HMCN1: variants seen among roughly 807,000 people sequenced by gnomAD.
HMCN1 encodes the protein hemicentin 1, also known as hemicentin-1.
Under a neutral mutation model 625.9 loss-of-function variants are expected in HMCN1, and 321 were observed. The ratio of observed to expected loss-of-function variants is 0.51; its 90% confidence interval spans 0.47 to 0.56. HMCN1 has a LOEUF of 0.56. Ranked by LOEUF, HMCN1 falls within the 20% of genes least tolerant of loss-of-function variation. HMCN1 has a pLI of 0.00. For missense variants in HMCN1, 6,588 were observed against 6,887.3 expected, an observed-to-expected ratio of 0.96 and a Z score of 1.54; for synonymous variants, 2,425 against 2,417.6, an observed-to-expected ratio of 1.00 and a Z score of -0.09.
chr1:185,973,207 G>A (rs1650951777), intron 15 of HMCN1, among the ~76,000 whole-genome samples: 1 of 152,096 alleles, frequency 6.6e-6, no homozygotes, highest in Admixed American at 6.6e-5. Context: ...TGTTACTGCT[G>A]TTCCTCTAAA....
At position 186,137,806 on chromosome 1, in the gene HMCN1, T is replaced by C. The variant is rs1649704893; in HGVS notation, c.13758T>C (p.Asp4586=). The change falls in exon 89 of 107, where the codon GAT becomes GAC. Residue 4586 remains aspartate, a synonymous_variant. Transcript: ENST00000271588. ...TAATGGTTCACCTTTGTATAGTGGA[T>C]GGTAGCTGGTCGGAATGGAGTCTTT... ...RNCQNKPCPV[D]GSWSEWSLWE... is the part of the protein sequence containing the mutation. 1 of 1,614,096 alleles carries C rather than the reference T, an allele frequency of 6.2e-7. No individual in the cohort carries two copies.
intron 1 of HMCN1, among the ~76,000 whole-genome samples, chr1:185,753,051 T>C (rs992168996): frequency 6.6e-6 from 1 of 152,094 alleles, no homozygotes; most frequent in African/African-American, 2.4e-5. Flanking sequence ...ATAATTTTAC[T>C]AGTAGATAAA....
chr1:186,174,458 A>C, intron 102 of HMCN1, 56 bp from the exon 103 acceptor site: 1 of 1,603,434 alleles, frequency 6.2e-7, no homozygotes, highest in African/African-American at 1.3e-5. Context: ...CTTTAAATAC[A>C]ATGACTTTGG....
chr1:185,896,125 A>G (rs1428468671), intron 4 of HMCN1, among the ~76,000 whole-genome samples: 1 of 151,890 alleles, frequency 6.6e-6, no homozygotes, highest in East Asian at 1.9e-4. Flanking sequence ...TTTAGTAGAG[A>G]CAGGGTTTCA....
chr1:186,014,192 A>C (rs1654196981), intron 30 of HMCN1, among the ~76,000 whole-genome samples: 1 of 152,062 alleles, frequency 6.6e-6, no homozygotes, highest in African/African-American at 2.4e-5. Context: ...CTGCCTCTCA[A>C]AATCCATAAT....
At position 186,017,042 on chromosome 1, in the gene HMCN1, T is replaced by C. The variant is rs770252544; in HGVS notation, c.5271T>C (p.His1757=). The stretch of plus-strand genomic sequence containing the variant: ...ATAACTTACTGGAGCTAGATTGTCA[T>C]GTGACAGGCTCTCCCCCACCAACTA... ...MVNNLLELDC[H]VTGSPPPTIM... The change falls in exon 33 of 107, where the codon CAT becomes CAC. Residue 1757 remains histidine, a synonymous_variant. Transcript: ENST00000271588. 5 of 1,604,730 alleles carry C rather than the reference T, an allele frequency of 3.1e-6. No homozygotes were observed. Among genetic ancestry groups the C allele is most frequent in the Non-Finnish European group, 4.3e-6 (5 of 1,171,830 alleles).
chr1:185,981,775 A>T (rs1264691122), intron 17 of HMCN1, among the ~76,000 whole-genome samples: 1 of 152,154 alleles, frequency 6.6e-6, no homozygotes, highest in Non-Finnish European at 1.5e-5. Context: ...GGGCATATTT[A>T]CAATACTCCT....
At chr1:186,176,170 ATG>A (rs1652563315) in intron 103 of HMCN1, among the ~76,000 whole-genome samples, 1 of 152,088 alleles carries the variant, frequency 6.6e-6, no homozygotes, top group Admixed American at 6.5e-5. Context: ...TTAAAATTTT[ATG>A]TGTTTGGTGA....
At chr1:186,030,883 A>G (rs1332570296) in intron 36 of HMCN1, among the ~76,000 whole-genome samples, 1 of 151,868 alleles carries the variant, frequency 6.6e-6, no homozygotes, top group Non-Finnish European at 1.5e-5. Flanking sequence ...TAATAATTAT[A>G]GTATTTGGAT....
rs548436452 is a variant in HMCN1 at position 186,103,415 on chromosome 1, C to T, written c.10574-57C>T. ...GTGTTGGATTTTCAAGTTTTTCTAACGAGCAATATTTTATGAAACTGTGGG... is the reference window on the plus strand; with the variant it reads ...GTGTTGGATTTTCAAGTTTTTCTAATGAGCAATATTTTATGAAACTGTGGG... On this transcript the variant is annotated intron_variant, in intron 68 of 106. Transcript: ENST00000271588. 1.0e-4 allele frequency: 149 copies of T among 1,432,728 alleles called. 1 individual carries two copies. Among genetic ancestry groups the T allele is most frequent in the East Asian group, 2.0e-4 (9 of 43,950 alleles). 88.8% of individuals were successfully genotyped at this position (1,432,728 alleles called of 1,614,324 possible). A position where few individuals can be genotyped will look rare whatever the true frequency, so the allele number is the denominator to read the frequency against.
intron 1 of HMCN1, among the ~76,000 whole-genome samples, chr1:185,764,290 C>T (rs1655719691): frequency 6.6e-6 from 1 of 152,050 alleles, no homozygotes; most frequent in Admixed American, 6.6e-5. Flanking sequence ...CAAATAGGTT[C>T]AGTAAAGAGT....
At chr1:186,060,383 T>C (rs1657608155) in intron 46 of HMCN1, among the ~76,000 whole-genome samples, 1 of 152,078 alleles carries the variant, frequency 6.6e-6, no homozygotes, top group Non-Finnish European at 1.5e-5. Flanking sequence ...AATGACCTAC[T>C]TTTTTGTTGG....
chr1:185,749,769 G>A (rs941356048), intron 1 of HMCN1, among the ~76,000 whole-genome samples: 4 of 152,190 alleles, frequency 2.6e-5, no homozygotes, highest in Non-Finnish European at 2.9e-5. Flanking sequence ...CAGAAGGATC[G>A]TTTTAAAATG....
Position 185,989,468 on chromosome 1 carries a change from C to T in HMCN1, c.3049-20C>T. On this transcript the variant is annotated intron_variant, in intron 20 of 106. Coordinates refer to ENST00000271588, the MANE Select transcript of HMCN1 (RefSeq NM_031935.3). ...AAACAAACAAACAAAAAACCCTTTG[C>T]TTTTCGCCGTGTTTTGCAGAAAGGA... The T allele has an allele frequency of 6.2e-7, 1 of 1,613,378 alleles. No homozygotes were observed. Among genetic ancestry groups the T allele is most frequent in the Non-Finnish European group, 8.5e-7 (1 of 1,179,838 alleles).
chr1:185,907,656 T>C lies in HMCN1; in HGVS notation c.622-1681T>C, dbSNP rs778998025. ...CAGAAAACATTTCTGTCTTTCATAG[T>C]CAGATTACTTTACTTTGCCTGTGAA... On this transcript the variant is annotated intron_variant, in intron 4 of 106. Transcript: ENST00000271588. 1.9e-4 allele frequency among the ~76,000 whole-genome samples: 29 copies of C among 152,116 alleles called. No individual in the cohort carries two copies. The South Asian group carries it at 2.1e-3, about 11-fold the overall frequency.
Position 186,001,627 on chromosome 1 carries a change from A to G in HMCN1, c.4234A>G (p.Asn1412Asp). The G allele has an allele frequency of 6.2e-7, 1 of 1,613,200 alleles. No homozygotes were observed. The highest frequency in any genetic ancestry group is 8.5e-7 in the Non-Finnish European group (1 of 1,179,346). ...TESSTIQTVN[N>D]GKILKLFRAT... ...AAGCAGCACTATTCAGACTGTGAAC[A>G]ATGGGAAGATACTGAAGCTCTTCAG... Residue 1412 changes from asparagine (N) to aspartate (D), a missense_variant, in exon 28 of 107, where the codon AAT (asparagine) becomes GAT (aspartate). Asn to Asp is a conservative substitution (Grantham distance 23). Coordinates refer to ENST00000271588, the MANE Select transcript of HMCN1 (RefSeq NM_031935.3).
rs1422625331 is a variant in HMCN1 at position 186,081,208 on chromosome 1, G to A, written c.8601G>A (p.Val2867=). 2 of 1,612,932 alleles carry A rather than the reference G, an allele frequency of 1.2e-6. No homozygotes were observed. The highest frequency in any genetic ancestry group is 1.7e-6 in the Non-Finnish European group (2 of 1,179,194). ...DSLQYDVRVL[V]PPIIKGANSD... ...CCCTTTGTTGCAATCCTTTGTTAGTGCCGCCAATTATCAAGGGAGCAAATA... is the reference window on the plus strand; with the variant it reads ...CCCTTTGTTGCAATCCTTTGTTAGTACCGCCAATTATCAAGGGAGCAAATA... The change falls in exon 56 of 107, where the codon GTG becomes GTA. Residue 2867 remains valine, a splice_region_variant and synonymous_variant. Transcript: ENST00000271588.
rs58164381 is a variant in HMCN1 at position 185,924,215 on chromosome 1, C to CTTTTTTTTTTTTTTTT, written c.1285+580_1285+595dup. Among the ~76,000 whole-genome samples the CTTTTTTTTTTTTTTTT allele has an allele frequency of 1.8e-4, 8 of 43,652 alleles. 2 individuals are homozygous for CTTTTTTTTTTTTTTTT. The highest frequency in any genetic ancestry group is 3.5e-4 in the African/African-American group (4 of 11,316). The allele number at this position is 43,652 out of a possible 152,430, so 28.6% of individuals were successfully genotyped here. ...GCTCATGACTGAACTCTGACCCAATCTTTTTTTTTTTTTTTTTTTTTTTTT... is the reference window on the plus strand; with the variant it reads ...GCTCATGACTGAACTCTGACCCAATCTTTTTTTTTTTTTTTTTTTTTTTTTTTTTTTTTTTTTTTTT... On this transcript the variant is annotated intron_variant, in intron 8 of 106. Transcript: ENST00000271588.
intron 1 of HMCN1, among the ~76,000 whole-genome samples, chr1:185,744,432 G>A (rs1654243924): frequency 2.0e-5 from 3 of 152,108 alleles, no homozygotes; most frequent in African/African-American, 4.8e-5. Flanking sequence ...TGAGCCCTAG[G>A]CCACTGCCTC....
Sources: gnomAD v4.1 joint callset for allele counts (sites outside exome capture counted in the v4.1 genomes callset) on GRCh38, gnomAD v4.1.1 for gene constraint, MANE v1.5 for transcripts, NCBI Gene and HGNC (gene_info 2026-07-23, HGNC 2026-07-21) for gene names.